SPAG16: variants seen among roughly 807,000 people sequenced by gnomAD.
The protein encoded by SPAG16 is sperm-associated antigen 16 protein.
A neutral mutation model predicts 80.4 loss-of-function variants in SPAG16; 86 were observed. That is an observed-to-expected ratio of 1.07 (90% confidence interval 0.90 to 1.28). SPAG16 has a LOEUF of 1.28. SPAG16 is among the 50% of genes most tolerant of loss of function. SPAG16 has a pLI of 0.00. For synonymous variants in SPAG16, 294 were observed against 265.9 expected (o/e 1.11, Z -1.03); for missense variants, 870 against 765.3 (o/e 1.14, Z -1.61).
intron 15 of SPAG16, among the ~76,000 whole-genome samples, chr2:214,393,578 AAATT>A (rs1387735053): frequency 1.1e-4 from 17 of 151,792 alleles, no homozygotes; most frequent in African/African-American, 4.1e-4. Flanking sequence ...TAATGAAAAT[AAATT>A]GTTATACATA....
intron 13 of SPAG16, among the ~76,000 whole-genome samples, chr2:214,103,720 T>G (rs16851487): frequency 0.17 from 26,303 of 151,978 alleles, 2,486 homozygotes; most frequent in African/African-American, 0.22. Flanking sequence ...TACAAAGGAG[T>G]TGTCTGGATC....
chr2:213,812,865 C>CTT lies in SPAG16; in HGVS notation c.1071-49611_1071-49610dup, dbSNP rs141499213. 1.9e-3 allele frequency among the ~76,000 whole-genome samples: 276 copies of CTT among 147,870 alleles called. 1 individual carries two copies. The highest frequency in any genetic ancestry group is 6.2e-3 in the African/African-American group (249 of 40,378). On this transcript the variant is annotated intron_variant, in intron 10 of 15. Transcript: ENST00000331683. ...TTTGATGCATTGTTTCATATGTTAT[C>CTT]TTTTTTTTTTGAGTTTCAGATAACC...
At chr2:214,394,537 T>C (rs960404741) in intron 15 of SPAG16, among the ~76,000 whole-genome samples, 1 of 152,196 alleles carries the variant, frequency 6.6e-6, no homozygotes, top group Non-Finnish European at 1.5e-5. Flanking sequence ...AACTAAAAAT[T>C]AGCTATTAAA....
At chr2:213,772,761 A>G (rs978003131) in intron 10 of SPAG16, among the ~76,000 whole-genome samples, 1 of 152,186 alleles carries the variant, frequency 6.6e-6, no homozygotes, top group South Asian at 2.1e-4. Flanking sequence ...AAAAAAGCCT[A>G]TGCATTTTGG....
At chr2:213,610,669 A>G (rs2061413717) in intron 10 of SPAG16, among the ~76,000 whole-genome samples, 1 of 152,160 alleles carries the variant, frequency 6.6e-6, no homozygotes, top group South Asian at 2.1e-4. Context: ...TTAAAAAAGT[A>G]AAGTGGTGAA....
rs1486041555 is a variant in SPAG16 at position 214,022,678 on chromosome 2, A to G, written c.1527+8601A>G. ...CAGATGTTAAAGGAAGTGAGGGAAC[A>G]ATGGAGGGTGAAAAAGAAGTGAAGG... On this transcript the variant is annotated intron_variant, in intron 13 of 15. Transcript: ENST00000331683. Among the ~76,000 whole-genome samples, 4 of 150,930 alleles carry G rather than the reference A, an allele frequency of 2.7e-5. No homozygotes were observed. The East Asian group carries it at 7.9e-4, about 30-fold the overall frequency.
At chr2:213,833,219 C>G (rs2073774412) in intron 10 of SPAG16, among the ~76,000 whole-genome samples, 1 of 149,880 alleles carries the variant, frequency 6.7e-6, no homozygotes, top group South Asian at 2.1e-4. Context: ...ATACTGTTTT[C>G]TTTGTCTTGT....
At chr2:213,311,395 A>G (rs1304426912) in intron 4 of SPAG16, among the ~76,000 whole-genome samples, 1 of 151,712 alleles carries the variant, frequency 6.6e-6, no homozygotes, top group African/African-American at 2.4e-5. Context: ...TGTGATGCTT[A>G]TATGTTAGGC....
intron 9 of SPAG16, among the ~76,000 whole-genome samples, chr2:213,466,988 T>A (rs1332741878): frequency 2.0e-5 from 3 of 152,182 alleles, no homozygotes; most frequent in Non-Finnish European, 4.4e-5. Context: ...AGCCCTTTAG[T>A]TCCCTCAGGT....
rs374368920 is a variant in SPAG16 at position 214,173,833 on chromosome 2, A to G, written c.1720+24567A>G. On this transcript the variant is annotated intron_variant, in intron 15 of 15. Transcript: ENST00000331683. Reference sequence around the variant, plus strand: ...TTGATGCAAAAATCTGCAGTAAAATACTGGCAAGCCGAATCCAGCAGCACA... The same window carrying G: ...TTGATGCAAAAATCTGCAGTAAAATGCTGGCAAGCCGAATCCAGCAGCACA... Among the ~76,000 whole-genome samples, 6 of 152,204 alleles carry G rather than the reference A, an allele frequency of 3.9e-5. No homozygotes were observed. In the East Asian group the frequency reaches 7.8e-4, roughly 20 times the overall value.
At chr2:214,248,292 A>ATTC (rs1690000025) in intron 15 of SPAG16, among the ~76,000 whole-genome samples, 1 of 51,958 alleles carries the variant, frequency 1.9e-5, no homozygotes, top group African/African-American at 8.1e-5. Context: ...TTCTTATATT[A>ATTC]TTATTATTAT....
At chr2:214,270,958 G>A (rs7570054) in intron 15 of SPAG16, among the ~76,000 whole-genome samples, 3,033 of 151,926 alleles carry the variant, frequency 0.02, 72 homozygotes, top group African/African-American at 0.05. Context: ...CCTTTTTCCC[G>A]AATATACCCA....
At chr2:213,554,166 A>G (rs962749972) in intron 10 of SPAG16, among the ~76,000 whole-genome samples, 1 of 152,206 alleles carries the variant, frequency 6.6e-6, no homozygotes, top group Non-Finnish European at 1.5e-5. Context: ...TCATGAGGAC[A>G]TTAAAAAGTA....
intron 10 of SPAG16, among the ~76,000 whole-genome samples, chr2:213,574,714 A>G (rs2060059287): frequency 1.3e-5 from 2 of 148,910 alleles, no homozygotes; most frequent in South Asian, 2.1e-4. Flanking sequence ...TATATGATAT[A>G]TATATATATG....
At chr2:213,494,402 C>T (rs2074394620) in intron 10 of SPAG16, among the ~76,000 whole-genome samples, 1 of 152,166 alleles carries the variant, frequency 6.6e-6, no homozygotes, top group African/African-American at 2.4e-5. Context: ...TTTTTGCAAA[C>T]GTACCAAATC....
At chr2:214,147,916 G>T (rs2055741944) in intron 14 of SPAG16, among the ~76,000 whole-genome samples, 1 of 152,148 alleles carries the variant, frequency 6.6e-6, no homozygotes, top group African/African-American at 2.4e-5. Context: ...AAATCAAGGA[G>T]TAAGTGAGAA....
chr2:214,335,924 A>AT (rs988756089), intron 15 of SPAG16, among the ~76,000 whole-genome samples: 4 of 151,240 alleles, frequency 2.6e-5, no homozygotes, highest in African/African-American at 9.7e-5. Context: ...ACACCCCCTA[A>AT]TTTTTTGTAT....
chr2:213,370,368 T>C (rs577560097), intron 8 of SPAG16, among the ~76,000 whole-genome samples: 26 of 152,342 alleles, frequency 1.7e-4, no homozygotes, highest in Middle Eastern at 6.8e-3. Flanking sequence ...GATTTTAACA[T>C]AATTTTCTCT....
intron 15 of SPAG16, among the ~76,000 whole-genome samples, chr2:214,382,135 G>A (rs561754091): frequency 1.3e-4 from 20 of 152,296 alleles, no homozygotes; most frequent in African/African-American, 3.9e-4. Flanking sequence ...GTGATGAATA[G>A]AAAATAATTA....
Sources: gnomAD v4.1 joint callset for allele counts (sites outside exome capture counted in the v4.1 genomes callset) on GRCh38, gnomAD v4.1.1 for gene constraint, MANE v1.5 for transcripts, NCBI Gene and HGNC (gene_info 2026-07-23, HGNC 2026-07-21) for gene names.